The following NFATC1 variants were observed in gnomAD, a reference collection of about 807,000 sequenced individuals.
NFATC1 encodes nuclear factor of activated T-cells, cytoplasmic 1.
In NFATC1, 22 loss-of-function variants were observed where a neutral mutation model predicts 76.0. That is an observed-to-expected ratio of 0.29 (90% confidence interval 0.21 to 0.41). The LOEUF (loss-of-function observed/expected upper bound fraction) is 0.41. Among genes scored for constraint, NFATC1 ranks in the 10% least tolerant of loss-of-function variants. NFATC1 has a pLI of 1.00. For missense variants in NFATC1, 1,357 were observed against 1,337.7 expected (o/e 1.01, Z -0.23); for synonymous variants, 704 against 613.1 (o/e 1.15, Z -2.19).
intron 8 of NFATC1, among the ~76,000 whole-genome samples, chr18:79,484,586 G>T (rs559316532): frequency 1.6e-3 from 238 of 152,230 alleles, no homozygotes; most frequent in African/African-American, 5.6e-3. Context: ...CTACTCAGAG[G>T]GTGGATGATA....
intron 2 of NFATC1, among the ~76,000 whole-genome samples, chr18:79,425,121 GTCTC>G (rs1193120080): frequency 1.4e-5 from 2 of 139,810 alleles, no homozygotes; most frequent in South Asian, 2.3e-4. Flanking sequence ...CTGTCGCTCT[GTCTC>G]TCTCTGTCTC....
chr18:79,441,253 G>A (rs1357678728), intron 3 of NFATC1, among the ~76,000 whole-genome samples: 1 of 152,220 alleles, frequency 6.6e-6, no homozygotes, highest in Non-Finnish European at 1.5e-5. Flanking sequence ...CAGGGGTGCT[G>A]CTGGATGGTG....
At chr18:79,430,511 T>C (rs144290117) in intron 2 of NFATC1, among the ~76,000 whole-genome samples, 12 of 152,338 alleles carry the variant, frequency 7.9e-5, no homozygotes, top group African/African-American at 2.9e-4. Flanking sequence ...CCCTCCCAAG[T>C]GGCTAGGATT....
intron 9 of NFATC1, among the ~76,000 whole-genome samples, chr18:79,508,194 T>C (rs2090160690): frequency 6.6e-6 from 1 of 151,596 alleles, no homozygotes; most frequent in Admixed American, 6.6e-5. Context: ...TTATTTCCTC[T>C]TGGCAGAAGG....
rs375049174 is a variant in NFATC1, at chr18:79,480,505, G to A, written c.2093-5743G>A. ...CGCCAGCATCCTGGGGAGGTGGGTC[G>A]CGTGTCCCAGAGCCCTGTGCCCCTC... On this transcript the variant is annotated intron_variant, in intron 8 of 9. Transcript: ENST00000427363. 3.5e-4 allele frequency among the ~76,000 whole-genome samples: 54 copies of A among 152,276 alleles called. No individual in the cohort carries two copies. In the East Asian group the frequency reaches 4.8e-3, roughly 14 times the overall value.
chr18:79,493,263 CGCCCCGT>C (rs1054634715), intron 9 of NFATC1: 1 of 152,282 alleles, frequency 6.6e-6, no homozygotes. Context: ...CAGCGAGGGC[CGCCCCGT>C]GCCACGCGCT....
intron 6 of NFATC1, among the ~76,000 whole-genome samples, chr18:79,460,272 C>T (rs1263354330): frequency 6.6e-6 from 1 of 152,254 alleles, no homozygotes; most frequent in Non-Finnish European, 1.5e-5. Flanking sequence ...CACACATTTT[C>T]TTCTTTGGAG....
chr18:79,450,072 G>T (rs62096889), intron 4 of NFATC1, among the ~76,000 whole-genome samples: 1 of 152,188 alleles, frequency 6.6e-6, no homozygotes, highest in African/African-American at 2.4e-5. Context: ...TCCTGGCTTC[G>T]CTGGCGGCTG....
Position 79,486,331 on chromosome 18 carries a change from C to T in NFATC1, c.2176C>T (p.Pro726Ser). Residue 726 changes from proline (P) to serine (S), a missense_variant, in exon 9 of 10, where the codon CCA (proline) becomes TCA (serine). Around this residue, in one of 3 missense-constraint regions of NFATC1, gnomAD observed 424 missense variants for 395.4 expected, o/e 1.07. Coordinates refer to ENST00000427363, the MANE Select transcript of NFATC1 (RefSeq NM_001278669.2). ...GGTGAGCCAGGGGTTAAGTCCTCTC[C>T]CAAGACCATACTACAGCCAGCAGCT... ...GPVSQGLSPLPRPYYSQQLAM... is the reference protein window; with the variant it reads ...GPVSQGLSPLSRPYYSQQLAM... 1 of 1,613,224 alleles carries T rather than the reference C, an allele frequency of 6.2e-7. No homozygotes were observed. The highest frequency in any genetic ancestry group is 8.5e-7 in the Non-Finnish European group (1 of 1,180,016).
intron 9 of NFATC1, among the ~76,000 whole-genome samples, chr18:79,501,841 G>A (rs1206604175): frequency 2.6e-5 from 4 of 152,144 alleles, no homozygotes; most frequent in Non-Finnish European, 5.9e-5. Context: ...ATGACAGAAC[G>A]TTGCTGAGGG....
Position 79,410,796 on chromosome 18 carries a change from C to G in NFATC1, c.521C>G (p.Ala174Gly). 1 of 1,612,732 alleles carries G rather than the reference C, an allele frequency of 6.2e-7. No homozygotes were observed. Among genetic ancestry groups the G allele is most frequent in the Admixed American group, 1.7e-5 (1 of 60,006 alleles). Residue 174 changes from alanine to glycine, a missense_variant, in exon 2 of 10, where the codon GCC becomes GGC. Ala to Gly is a moderately conservative substitution (Grantham distance 60). Around this residue, in one of 3 missense-constraint regions of NFATC1, gnomAD observed 691 missense variants for 613.1 expected, o/e 1.13. Transcript: ENST00000427363. The surrounding 1 kb of genome is among the most constrained non-coding windows in gnomAD (Gnocchi z 6.7). ...AYRDPSCLSP[A>G]SSLSSRSCNS... ...AGAGACCCCTCGTGCCTGAGCCCGG[C>G]CAGCAGCCTGTCCTCCCGGAGCTGC...
In NFATC1 at chr18:79,524,271, G is replaced by A. The variant is rs973741409; in HGVS notation, c.2783-3257G>A. 4.7e-4 allele frequency among the ~76,000 whole-genome samples: 72 copies of A among 152,360 alleles called. No individual in the cohort carries two copies. The highest frequency in any genetic ancestry group is 1.6e-3 in the African/African-American group (65 of 41,588). On this transcript the variant is annotated intron_variant, in intron 9 of 9. Coordinates refer to ENST00000427363, the MANE Select transcript of NFATC1 (RefSeq NM_001278669.2). This position sits in a 1 kb window ranked among gnomAD's most constrained non-coding sequence, Gnocchi z 7.2. ...TTGTCCACCTGTGAAAGGGGAAGCC[G>A]TGGCTTTCCTCTCAGGGCTACGGCA... is the stretch of plus-strand genomic sequence containing the variant.
chr18:79,421,054 C>T (rs543638030), intron 2 of NFATC1: 25 of 152,422 alleles, frequency 1.6e-4, no homozygotes, highest in African/African-American at 4.8e-4. Flanking sequence ...TGATTCTGCT[C>T]CTCAGGGCCA....
chr18:79,464,671 T>TGTGTGTGTAC (rs1491503744), intron 7 of NFATC1, among the ~76,000 whole-genome samples: 3 of 119,698 alleles, frequency 2.5e-5, no homozygotes, highest in African/African-American at 1.1e-4. Flanking sequence ...TGTGTGTGTG[T>TGTGTGTGTAC]ATATGTATGT....
chr18:79,411,041 T>A lies in NFATC1; in HGVS notation c.766T>A (p.Ser256Thr). 6.2e-7 allele frequency: 1 copy of A among 1,611,498 alleles called. No individual in the cohort carries two copies. The highest frequency in any genetic ancestry group is 8.5e-7 in the Non-Finnish European group (1 of 1,179,464). Residue 256 changes from serine to threonine, a missense_variant, in exon 2 of 10, where the codon TCC (serine) becomes ACC (threonine). Physicochemically the swap from Ser to Thr is moderately conservative, Grantham distance 58 (BLOSUM62 1). Transcript: ENST00000427363. ...VTEESWLGAR[S>T]SRPASPCNKR... ...TGAGGAGAGCTGGCTGGGTGCCCGC[T>A]CCTCCAGACCCGCGTCCCCTTGCAA... is the stretch of plus-strand genomic sequence containing the variant.
At chr18:79,494,083 G>A in intron 9 of NFATC1, among the ~76,000 whole-genome samples, 1 of 152,232 alleles carries the variant, frequency 6.6e-6, no homozygotes, top group Non-Finnish European at 1.5e-5. Context: ...AAACCTGTGC[G>A]CCAGGCAGCG....
chr18:79,432,256 T>C (rs938696547), intron 2 of NFATC1, among the ~76,000 whole-genome samples: 2 of 149,658 alleles, frequency 1.3e-5, no homozygotes, highest in Non-Finnish European at 3.0e-5. Flanking sequence ...GTTCTGAAGA[T>C]GGGGGAGTCA....
Position 79,448,699 on chromosome 18 carries a change from G to A in NFATC1, c.1387-83G>A, listed in dbSNP as rs556063537. 91 of 1,400,426 alleles carry A rather than the reference G, an allele frequency of 6.5e-5. No homozygotes were observed. In the East Asian group the frequency reaches 1.1e-3, roughly 17 times the overall value. 86.7% of individuals were successfully genotyped at this position (1,400,426 alleles called of 1,614,324 possible). A position where few individuals can be genotyped will look rare whatever the true frequency, so the allele number is the denominator to read the frequency against. On this transcript the variant is annotated intron_variant, in intron 3 of 9. Transcript: ENST00000427363. ...GCAGGGGGACACAGGCCTCGAACCCGCCGCAGGTTTTCTCTGCGTTCCGGT... is the reference window on the plus strand; with the variant it reads ...GCAGGGGGACACAGGCCTCGAACCCACCGCAGGTTTTCTCTGCGTTCCGGT...
At chr18:79,398,874 C>G (rs1291693118) in intron 1 of NFATC1, among the ~76,000 whole-genome samples, 1 of 152,240 alleles carries the variant, frequency 6.6e-6, no homozygotes, top group Non-Finnish European at 1.5e-5. Flanking sequence ...CGAGACCATC[C>G]TGGTCAACAT....
Sources: allele counts gnomAD v4.1 joint callset (sites outside exome capture counted in the v4.1 genomes callset), GRCh38; gene constraint gnomAD v4.1.1; regional missense constraint gnomAD v4.1.1; non-coding constraint Gnocchi (gnomAD v3.1); transcripts MANE v1.5; gene names NCBI Gene and HGNC (gene_info 2026-07-23, HGNC 2026-07-21).